The following TTC29 variants were observed in gnomAD, a reference collection of about 807,000 sequenced individuals.
The protein encoded by TTC29 is tetratricopeptide repeat protein 29.
TTC29 carries 49 observed loss-of-function variants against 58.1 expected under a neutral mutation model. The ratio of observed to expected loss-of-function variants is 0.84; its 90% CI spans 0.67 to 1.07. The LOEUF (loss-of-function observed/expected upper bound fraction) is 1.07. TTC29 is among the 50% of genes least tolerant of loss of function. The probability of loss-of-function intolerance (pLI) is 0.00; values close to 1 mark genes in which losing one functional copy is unlikely to be tolerated. For missense variants in TTC29, 582 were observed against 555.6 expected, an observed-to-expected ratio of 1.05 and a Z score of -0.48; for synonymous variants, 209 against 196.8, an observed-to-expected ratio of 1.06 and a Z score of -0.52.
At chr4:146,786,538 G>A (rs962565690) in intron 11 of TTC29, among the ~76,000 whole-genome samples, 1 of 152,138 alleles carries the variant, frequency 6.6e-6, no homozygotes, top group African/African-American at 2.4e-5. Flanking sequence ...TAAACCTCAA[G>A]GCAGTCTCAT....
At chr4:146,760,356 T>C (rs1001296175) in intron 11 of TTC29, among the ~76,000 whole-genome samples, 1 of 151,828 alleles carries the variant, frequency 6.6e-6, no homozygotes, top group African/African-American at 2.4e-5. Flanking sequence ...AAAATGACCA[T>C]AATGCCAAAA....
At chr4:146,889,657 C>T (rs1258217994) in intron 6 of TTC29, among the ~76,000 whole-genome samples, 2 of 152,046 alleles carry the variant, frequency 1.3e-5, no homozygotes, top group African/African-American at 2.4e-5. Flanking sequence ...AATAAACTGG[C>T]AAATGTTATT....
At chr4:146,782,666 G>T (rs1748709805) in intron 11 of TTC29, among the ~76,000 whole-genome samples, 1 of 151,890 alleles carries the variant, frequency 6.6e-6, no homozygotes, top group Non-Finnish European at 1.5e-5. Context: ...TCTATTCCAT[G>T]ATGTAAAATG....
chr4:146,736,789 C>T (rs1744739006), intron 11 of TTC29, among the ~76,000 whole-genome samples: 1 of 152,160 alleles, frequency 6.6e-6, no homozygotes, highest in South Asian at 2.1e-4. Flanking sequence ...TGGCAGTGCT[C>T]AGAAGTGTTC....
intron 11 of TTC29, among the ~76,000 whole-genome samples, chr4:146,781,098 G>C (rs1748560388): frequency 1.3e-5 from 2 of 151,998 alleles, no homozygotes; most frequent in Middle Eastern, 3.4e-3. Context: ...AATGGCACCA[G>C]ACATGCTTTG....
At chr4:146,926,538 A>C (rs1019760601) in intron 4 of TTC29, among the ~76,000 whole-genome samples, 2 of 151,896 alleles carry the variant, frequency 1.3e-5, no homozygotes, top group African/African-American at 4.8e-5. Context: ...GCAATGGTGC[A>C]ATCTTGGCTC....
chr4:146,791,179 T>C (rs1227857334), intron 11 of TTC29, among the ~76,000 whole-genome samples: 5 of 152,240 alleles, frequency 3.3e-5, no homozygotes, highest in African/African-American at 1.2e-4. Context: ...GTTACAAACA[T>C]GCACTGTTTC....
At chr4:146,845,467 G>C (rs941403454) in intron 8 of TTC29, among the ~76,000 whole-genome samples, 1 of 152,132 alleles carries the variant, frequency 6.6e-6, no homozygotes, top group Non-Finnish European at 1.5e-5. Context: ...TTCAAAGTGA[G>C]TGGGACAAAT....
chr4:146,734,363 C>T lies in TTC29; in HGVS notation c.1331-26812G>A, dbSNP rs1187955947. 1.3e-5 allele frequency among the ~76,000 whole-genome samples: 2 copies of T among 152,106 alleles called. 1 individual carries two copies. The highest frequency in any genetic ancestry group is 2.9e-5 in the Non-Finnish European group (2 of 68,026). Reference sequence around the variant, plus strand: ...GTATGAAAGCTCTGCACCCCTTCCCCTATACTTCACCCTATGCATCTCTTC... The same window carrying T: ...GTATGAAAGCTCTGCACCCCTTCCCTTATACTTCACCCTATGCATCTCTTC... On this transcript the variant is annotated intron_variant, in intron 11 of 12. Transcript: ENST00000325106.
chr4:146,743,357 A>G (rs1350482582), intron 11 of TTC29, among the ~76,000 whole-genome samples: 1 of 152,210 alleles, frequency 6.6e-6, no homozygotes, highest in Non-Finnish European at 1.5e-5. Flanking sequence ...TACCCAAGGT[A>G]CAGTCACTCT....
chr4:146,845,671 T>A (rs1729116467), intron 8 of TTC29, among the ~76,000 whole-genome samples: 1 of 152,178 alleles, frequency 6.6e-6, no homozygotes, highest in South Asian at 2.1e-4. Context: ...TGCAGGACTC[T>A]AGGAATCTCA....
At chr4:146,887,413 A>G (rs6837732) in intron 6 of TTC29, among the ~76,000 whole-genome samples, 11,447 of 152,062 alleles carry the variant, frequency 0.075, 1,446 homozygotes, top group African/African-American at 0.26. Context: ...CCGTTAAATC[A>G]GTTTGAAAAT....
chr4:146,710,349 T>C (rs957452964), intron 11 of TTC29, among the ~76,000 whole-genome samples: 3 of 152,168 alleles, frequency 2.0e-5, no homozygotes, highest in African/African-American at 7.2e-5. Flanking sequence ...GTAAAGGTAA[T>C]GCATTGCACC....
At chr4:146,800,269 C>T (rs1408829966) in intron 11 of TTC29, among the ~76,000 whole-genome samples, 1 of 152,150 alleles carries the variant, frequency 6.6e-6, no homozygotes, top group African/African-American at 2.4e-5. Context: ...CATCTAGAGA[C>T]CTGAATGCTC....
At chr4:146,817,259 A>G (rs1751476459) in intron 10 of TTC29, among the ~76,000 whole-genome samples, 1 of 152,214 alleles carries the variant, frequency 6.6e-6, no homozygotes, top group Admixed American at 6.5e-5. Context: ...TCAATGTGCA[A>G]AAATCACAAG....
At chr4:146,839,437 G>A (rs1728709170) in intron 8 of TTC29, among the ~76,000 whole-genome samples, 1 of 151,816 alleles carries the variant, frequency 6.6e-6, no homozygotes, top group Admixed American at 6.6e-5. Flanking sequence ...GAATCCAAAT[G>A]TCACGGGTAA....
intron 4 of TTC29, among the ~76,000 whole-genome samples, chr4:146,935,140 T>A (rs2150325845): frequency 6.6e-6 from 1 of 151,880 alleles, no homozygotes; most frequent in South Asian, 2.1e-4. Context: ...TGGGAGCAGG[T>A]AAGGGGATGA....
chr4:146,769,735 T>G (rs1397591968), intron 11 of TTC29, among the ~76,000 whole-genome samples: 1 of 152,034 alleles, frequency 6.6e-6, no homozygotes, highest in Admixed American at 6.6e-5. Flanking sequence ...CTGAATTGGG[T>G]TTAGTTCTGA....
chr4:146,894,749 T>G (rs1319206188), intron 6 of TTC29, among the ~76,000 whole-genome samples: 1 of 152,052 alleles, frequency 6.6e-6, no homozygotes, highest in Non-Finnish European at 1.5e-5. Flanking sequence ...TATAGCAATG[T>G]GAGAACAGAC....
Sources: gnomAD v4.1 joint callset for allele counts (sites outside exome capture counted in the v4.1 genomes callset) on GRCh38, gnomAD v4.1.1 for gene constraint, MANE v1.5 for transcripts, NCBI Gene and HGNC (gene_info 2026-07-23, HGNC 2026-07-21) for gene names.